Variants in TENT2 observed in about 807,000 individuals in gnomAD.
The protein encoded by TENT2 is poly(A) RNA polymerase GLD2.
Under a neutral mutation model 72.2 loss-of-function variants are expected in TENT2, and 44 were observed. That is an observed-to-expected ratio of 0.61 (90% CI 0.48 to 0.78). The LOEUF is 0.78. Among genes scored for constraint, TENT2 ranks in the 30% least tolerant of loss-of-function variants. The pLI is 0.00. For missense variants in TENT2, 541 were observed against 569.6 expected (o/e 0.95, Z 0.51); for synonymous variants, 212 against 192.5 (o/e 1.10, Z -0.84).
chr5:79,672,192 A>G (rs1056779398), intron 12 of TENT2, among the ~76,000 whole-genome samples: 1 of 152,122 alleles, frequency 6.6e-6, no homozygotes, highest in African/African-American at 2.4e-5. Flanking sequence ...TTGTGGGTAC[A>G]TAATAGGTTT....
intron 14 of TENT2, among the ~76,000 whole-genome samples, chr5:79,683,627 T>G (rs1823946823): frequency 6.6e-6 from 1 of 152,124 alleles, no homozygotes; most frequent in Admixed American, 6.5e-5. Context: ...AGAAATTCTT[T>G]AATTTTGGCC....
intron 12 of TENT2, among the ~76,000 whole-genome samples, chr5:79,672,361 T>A (rs1159019074): frequency 6.6e-6 from 1 of 152,192 alleles, no homozygotes; most frequent in Non-Finnish European, 1.5e-5. Flanking sequence ...ACAATTAAAT[T>A]ATTATTGACT....
At chr5:79,683,886 T>TGC (rs1824297168) in intron 14 of TENT2, among the ~76,000 whole-genome samples, 1 of 116,168 alleles carries the variant, frequency 8.6e-6, no homozygotes, top group African/African-American at 3.5e-5. Context: ...ATCCCGCCAC[T>TGC]GCACTCCAGC....
chr5:79,640,782 C>A, intron 4 of TENT2, 69 bp from the exon 5 acceptor site: 1 of 858,130 alleles, frequency 1.2e-6, no homozygotes. Context: ...TTGATTTATG[C>A]TTCTCCATAT....
chr5:79,678,959 G>A (rs1221433801), intron 12 of TENT2, among the ~76,000 whole-genome samples: 1 of 152,072 alleles, frequency 6.6e-6, no homozygotes, highest in Non-Finnish European at 1.5e-5. Flanking sequence ...AGGCTGGAGT[G>A]CAGTGGCATG....
rs549225169 is a variant in TENT2 at position 79,682,020 on chromosome 5, G to A, written c.1339G>A (p.Glu447Lys). 7 of 1,613,538 alleles carry A rather than the reference G, an allele frequency of 4.3e-6. No homozygotes were observed. Among genetic ancestry groups the A allele is most frequent in the East Asian group, 2.2e-5 (1 of 44,804 alleles). The change falls in exon 14 of 15, where the codon GAA (glutamate) becomes AAA (lysine). Residue 447 changes from glutamate (E) to lysine (K), a missense_variant. By Grantham distance (56) the Glu-to-Lys change is moderately conservative (BLOSUM62 1). Transcript: ENST00000453514. ...AACAAATACAGCCAGAGCAGTGCAC[G>A]AAAAGCAGAAATTTGATATGATCAA... The part of the protein sequence containing the change: ...DGTNTARAVH[E>K]KQKFDMIKDQ...
At chr5:79,668,789 T>G (rs1351527522) in intron 11 of TENT2, 103 bp from the exon 12 acceptor site, 11 of 1,357,748 alleles carry the variant, frequency 8.1e-6, no homozygotes, top group Non-Finnish European at 1.1e-5. Context: ...TAGAGTAAAT[T>G]TCTTCTCTCT....
chr5:79,657,962 A>G (rs6868626), intron 11 of TENT2, among the ~76,000 whole-genome samples: 30,886 of 152,160 alleles, frequency 0.2, 4,633 homozygotes, highest in African/African-American at 0.42. Flanking sequence ...TTTACTTGAC[A>G]TGGAACATCA....
intron 12 of TENT2, among the ~76,000 whole-genome samples, chr5:79,676,244 T>C (rs909076617): frequency 1.4e-4 from 21 of 151,988 alleles, no homozygotes; most frequent in African/African-American, 5.1e-4. Flanking sequence ...AATTTTTCTT[T>C]ATGTCGCTTA....
intron 14 of TENT2, among the ~76,000 whole-genome samples, chr5:79,684,934 T>G (rs561150026): frequency 1.3e-5 from 2 of 152,308 alleles, no homozygotes; most frequent in African/African-American, 2.4e-5. Context: ...GGCATACGCC[T>G]GTAGTCCCAG....
At chr5:79,619,810 ATGT>A (rs1561450682) in intron 2 of TENT2, 25 bp downstream of exon 2, 1 of 1,594,224 alleles carries the variant, frequency 6.3e-7, no homozygotes. Context: ...ATTTTGGCCC[ATGT>A]TGTTGGTAAA....
intron 12 of TENT2, among the ~76,000 whole-genome samples, chr5:79,675,373 T>G (rs1291781504): frequency 1.3e-5 from 2 of 152,156 alleles, no homozygotes; most frequent in South Asian, 2.1e-4. Flanking sequence ...TTGGATTGTT[T>G]TAGGTTTTTA....
intron 14 of TENT2, among the ~76,000 whole-genome samples, 166 bp from the exon 15 acceptor site, chr5:79,685,033 G>C (rs1483871376): frequency 6.6e-6 from 1 of 152,176 alleles, no homozygotes; most frequent in Non-Finnish European, 1.5e-5. Flanking sequence ...ACTCCAGCTT[G>C]GGTGGCAGAG....
At chr5:79,669,064 A>ATG (rs36079132) in intron 12 of TENT2, 36 bp downstream of exon 12, 134,309 of 1,590,660 alleles carry the variant, frequency 0.084, 4,336 homozygotes, top group African/African-American at 0.17. Context: ...GTTCACTTAT[A>ATG]TGTGTGTGTG....
chr5:79,623,148 CAT>C (rs1382717494), intron 3 of TENT2, 102 bp from the exon 4 acceptor site: 4 of 769,294 alleles, frequency 5.2e-6, no homozygotes, highest in Non-Finnish European at 7.9e-6. Flanking sequence ...TTGAAAGAAT[CAT>C]ATTGTCATTA....
chr5:79,642,845 TA>T lies in TENT2; in HGVS notation c.689del (p.Asn230IlefsTer12). 1 of 1,610,592 alleles carries T rather than the reference TA, an allele frequency of 6.2e-7. No individual in the cohort carries two copies. Among genetic ancestry groups the T allele is most frequent in the Non-Finnish European group, 8.5e-7 (1 of 1,178,558 alleles). On this transcript the variant is annotated frameshift_variant, in exon 7 of 15. Transcript: ENST00000453514. LOFTEE classifies it high-confidence loss of function. The stretch of plus-strand genomic sequence containing the variant: ...TTAACTTTTCAGTGTTTTTTTCAGG[TA>T]AATCAGAAGACTGAAGCACGGCATA... ...VVKEEPCFFQVNQKTEARHIL... is the reference protein window; with the variant it reads ...VVKEEPCFFQXNQKTEARHIL...
chr5:79,660,693 A>T (rs903480444), intron 11 of TENT2, among the ~76,000 whole-genome samples: 1 of 152,168 alleles, frequency 6.6e-6, no homozygotes, highest in African/African-American at 2.4e-5. Flanking sequence ...ATAGAGCTGA[A>T]ATATTCCTGT....
chr5:79,622,609 A>G (rs1406999920), intron 3 of TENT2, among the ~76,000 whole-genome samples: 1 of 152,106 alleles, frequency 6.6e-6, no homozygotes, highest in Non-Finnish European at 1.5e-5. Context: ...GAACCATATG[A>G]AAGAAAGTTG....
intron 11 of TENT2, among the ~76,000 whole-genome samples, chr5:79,664,985 T>C (rs1307124643): frequency 1.3e-5 from 2 of 152,208 alleles, no homozygotes; most frequent in African/African-American, 2.4e-5. Context: ...CTTTATGTTA[T>C]ATACTTACCT....
Sources: allele counts gnomAD v4.1 joint callset (sites outside exome capture counted in the v4.1 genomes callset), GRCh38; gene constraint gnomAD v4.1.1; transcripts MANE v1.5; gene names NCBI Gene and HGNC (gene_info 2026-07-23, HGNC 2026-07-21).